The following SPTBN2 variants were observed in gnomAD, a reference collection of about 807,000 sequenced individuals.
The protein encoded by SPTBN2 is spectrin beta chain, non-erythrocytic 2.
In SPTBN2, 107 loss-of-function variants were observed where a neutral mutation model predicts 284.2. The ratio of observed to expected loss-of-function variants is 0.38; its 90% CI spans 0.32 to 0.44. The LOEUF (loss-of-function observed/expected upper bound fraction) is 0.44. Among genes scored for constraint, SPTBN2 ranks in the 20% least tolerant of loss-of-function variants. SPTBN2 has a pLI of 1.00. For synonymous variants in SPTBN2, 1,289 were observed against 1,354.8 expected, an observed-to-expected ratio of 0.95 and a Z score of 1.07; for missense variants, 2,569 against 3,287.1, an observed-to-expected ratio of 0.78 and a Z score of 5.34.
At chr11:66,731,132 T>C (rs1348372777), upstream of SPTBN2, among the ~76,000 whole-genome samples, 1 of 152,234 alleles carries the variant, frequency 6.6e-6, no homozygotes, top group Non-Finnish European at 1.5e-5. Context: ...GGTAAATGAA[T>C]TATATGCAGC....
At chr11:66,714,029 T>A (rs1590966755) in intron 7 of SPTBN2, 62 bp downstream of exon 7, 1 of 1,527,500 alleles carries the variant, frequency 6.5e-7, no homozygotes, top group East Asian at 2.2e-5. Flanking sequence ...TCTCCACATG[T>A]GCACCCCAGG....
Position 66,715,834 on chromosome 11 carries a change from A to G in SPTBN2, c.305T>C (p.Ile102Thr). 1 of 1,613,102 alleles carries G rather than the reference A, an allele frequency of 6.2e-7. No individual in the cohort carries two copies. Among genetic ancestry groups the G allele is most frequent in the South Asian group, 1.1e-5 (1 of 91,006 alleles). The stretch of plus-strand genomic sequence containing the variant: ...CCCTTCATGACCACAGCTCACCAGT[A>G]TCTCTCCCGAGAGCACCTCGAGGAG... ...LRLLEVLSGE[I>T]LPKPTKGRMR... is the part of the protein sequence containing the mutation. Residue 102 changes from isoleucine (I) to threonine (T), a missense_variant, in exon 4 of 38, where the codon ATA becomes ACA. Transcript: ENST00000533211. This position sits in a 1 kb window ranked among gnomAD's most constrained non-coding sequence, Gnocchi z 5.3.
Position 66,705,552 on chromosome 11 carries a change from C to G in SPTBN2, c.1808-84G>C, listed in dbSNP as rs1192476286. The G allele has an allele frequency of 1.4e-5, 22 of 1,605,860 alleles. No individual in the cohort carries two copies. In the East Asian group the frequency reaches 4.0e-4, roughly 29 times the overall value. On this transcript the variant is annotated intron_variant, in intron 14 of 37. Transcript: ENST00000533211. Reference sequence around the variant, plus strand: ...CACCACACTCTCTTGGACTTCCCTCCCTGGCTTTAGCTCAGTCACCATCGT... The same window carrying G: ...CACCACACTCTCTTGGACTTCCCTCGCTGGCTTTAGCTCAGTCACCATCGT...
In SPTBN2 at chr11:66,715,718, A is replaced by AG. The variant is rs1290896620; in HGVS notation, c.309+111dup. The AG allele has an allele frequency of 7.0e-7, 1 of 1,420,112 alleles. No individual in the cohort carries two copies. The highest frequency in any genetic ancestry group is 9.7e-7 in the Non-Finnish European group (1 of 1,033,694). 88.0% of individuals were successfully genotyped at this position (1,420,112 alleles called of 1,614,324 possible). A position where few individuals can be genotyped will look rare whatever the true frequency, so the allele number is the denominator to read the frequency against. ...ATGAACCCATCCTCTGAGCAGAGGG[A>AG]GCCACTGCTTCCCGCCCTGTGCCGT... On this transcript the variant is annotated intron_variant, in intron 4 of 37. Transcript: ENST00000533211. The surrounding 1 kb of genome is among the most constrained non-coding windows in gnomAD (Gnocchi z 5.3).
chr11:66,699,383 T>C, intron 18 of SPTBN2, 23 bp downstream of exon 18: 1 of 1,613,094 alleles, frequency 6.2e-7, no homozygotes, highest in South Asian at 1.1e-5. Flanking sequence ...GGAACCCTAA[T>C]TCATGGACTG....
chr11:66,699,601 A>G lies in SPTBN2; in HGVS notation c.3581T>C (p.Val1194Ala). The G allele has an allele frequency of 6.2e-7, 1 of 1,614,080 alleles. No individual in the cohort carries two copies. Among genetic ancestry groups the G allele is most frequent in the African/African-American group, 1.3e-5 (1 of 75,048 alleles). ...AEGVLSSQEY[V>A]LSHTEMPGTL... ...CCCTGGCATCTCCGTGTGAGACAGAACATATTCCTGTGTGGGAGGGATGAC... is the reference window on the plus strand; with the variant it reads ...CCCTGGCATCTCCGTGTGAGACAGAGCATATTCCTGTGTGGGAGGGATGAC... The change falls in exon 18 of 38, where the codon GTT becomes GCT. Residue 1194 changes from valine (V) to alanine (A), a missense_variant. Coordinates refer to ENST00000533211, the MANE Select transcript of SPTBN2 (RefSeq NM_006946.4).
rs534424012 is a variant in SPTBN2, at chr11:66,708,235, C to T, written c.1256G>A (p.Arg419His). Residue 419 changes from arginine (R) to histidine (H), a missense_variant, in exon 12 of 38, where the codon CGC becomes CAC. Transcript: ENST00000533211. The surrounding 1 kb of genome is among the most constrained non-coding windows in gnomAD (Gnocchi z 4.4). ...RELALRTELI[R>H]QEKLEQLAAR... ...GGCCAGCTGCTCCAGCTTCTCCTGG[C>T]GGATGAGCTCGGTGCGCAGGGCCAG... 4 of 1,610,574 alleles carry T rather than the reference C, an allele frequency of 2.5e-6. No homozygotes were observed. The highest frequency in any genetic ancestry group is 1.3e-5 in the African/African-American group (1 of 74,894).
At chr11:66,688,422 G>A in intron 31 of SPTBN2, 111 bp from the exon 32 acceptor site, 9 of 1,534,774 alleles carry the variant, frequency 5.9e-6, no homozygotes, top group East Asian at 2.4e-5. Flanking sequence ...GATAAGAGGA[G>A]AACAGAATTT....
chr11:66,741,252 A>T (rs1735666599), intron 1 of SPTBN2, among the ~76,000 whole-genome samples: 1 of 152,150 alleles, frequency 6.6e-6, no homozygotes, highest in Admixed American at 6.5e-5. Flanking sequence ...TGTTCTTCTG[A>T]TAGTGAATTA....
chr11:66,705,032 G>A lies in SPTBN2; in HGVS notation c.2244C>T (p.Ser748=), dbSNP rs1472495331. ...ERAQRLAQAA[S]LYQFQADAND... ...TTGCATCGGCCTGGAACTGGTAGAGGCTGGCGGCTTGGGCCAGCCGCTGGG... is the reference window on the plus strand; with the variant it reads ...TTGCATCGGCCTGGAACTGGTAGAGACTGGCGGCTTGGGCCAGCCGCTGGG... The change falls in exon 15 of 38, where the codon AGC becomes AGT. Residue 748 remains serine, a synonymous_variant. Transcript: ENST00000533211. The A allele has an allele frequency of 1.7e-5, 28 of 1,601,242 alleles. No individual in the cohort carries two copies. Among genetic ancestry groups the A allele is most frequent in the Non-Finnish European group, 2.4e-5 (28 of 1,179,520 alleles).
Position 66,714,077 on chromosome 11 carries a change from C to G in SPTBN2, c.656+14G>C. 3 of 1,614,122 alleles carry G rather than the reference C, an allele frequency of 1.9e-6. No homozygotes were observed. Among genetic ancestry groups the G allele is most frequent in the Non-Finnish European group, 2.5e-6 (3 of 1,179,958 alleles). ...CCAGCAGCTCTGCTGCGTTTGCTAA[C>G]CCCATCTTCTCACCGGTGTTTATGC... On this transcript the variant is annotated intron_variant, in intron 7 of 37. Coordinates refer to ENST00000533211, the MANE Select transcript of SPTBN2 (RefSeq NM_006946.4).
At chr11:66,706,339 ATTTAT>A (rs1164505486) in intron 13 of SPTBN2, among the ~76,000 whole-genome samples, 1 of 152,136 alleles carries the variant, frequency 6.6e-6, no homozygotes, top group Non-Finnish European at 1.5e-5. Context: ...TTATTTATTT[ATTTAT>A]TTTGAGATGG....
At chr11:66,703,587 A>C (rs1001083301) in intron 15 of SPTBN2, among the ~76,000 whole-genome samples, 2 of 151,882 alleles carry the variant, frequency 1.3e-5, no homozygotes, top group African/African-American at 4.8e-5. Flanking sequence ...AATACAAAAA[A>C]TTAGCTGGGC....
At chr11:66,721,889 T>C (rs1284724807) in intron 1 of SPTBN2, among the ~76,000 whole-genome samples, 1 of 151,422 alleles carries the variant, frequency 6.6e-6, no homozygotes, top group East Asian at 1.9e-4. Context: ...CTACTAAAAA[T>C]ACAAAAAATT....
chr11:66,728,353 GGCGGCGGCGCGCGGGCGCGA>G (rs910884247), intron 1 of SPTBN2: 6 of 145,760 alleles, frequency 4.1e-5, no homozygotes, highest in Admixed American at 2.0e-4. Context: ...CGGGGCGCGT[GGCGGCGGCGCGCGGGCGCGA>G]GCGGCGGGAC....
At position 66,705,004 on chromosome 11, in the gene SPTBN2, C is replaced by T. The variant is rs894025675; in HGVS notation, c.2272G>A (p.Asp758Asn). 1.9e-6 allele frequency: 3 copies of T among 1,604,550 alleles called. No individual in the cohort carries two copies. The highest frequency in any genetic ancestry group is 3.3e-5 in the Admixed American group (2 of 60,008). Residue 758 changes from aspartate (D) to asparagine (N), a missense_variant, in exon 15 of 38, where the codon GAC becomes AAC. Coordinates refer to ENST00000533211, the MANE Select transcript of SPTBN2 (RefSeq NM_006946.4). ...SLYQFQADANDMEAWLVDALR... is the reference protein window; with the variant it reads ...SLYQFQADANNMEAWLVDALR... Reference sequence around the variant, plus strand: ...GCGTCAACCAACCAGGCCTCCATGTCGTTTGCATCGGCCTGGAACTGGTAG... The same window carrying T: ...GCGTCAACCAACCAGGCCTCCATGTTGTTTGCATCGGCCTGGAACTGGTAG...
rs1590898408 is a variant in SPTBN2, at chr11:66,684,525, C to T, written c.*1346G>A. Among the ~76,000 whole-genome samples, 1 of 151,558 alleles carries T rather than the reference C, an allele frequency of 6.6e-6. No individual in the cohort carries two copies. The highest frequency in any genetic ancestry group is 2.1e-4 in the South Asian group (1 of 4,814). ...TGGCATGTGCCTGTGGTTCAGGCTA[C>T]TCGGGAGGCTGAGGTGGGAGGATTG... On this transcript the variant is annotated 3_prime_UTR_variant, in exon 38 of 38. Coordinates refer to ENST00000533211, the MANE Select transcript of SPTBN2 (RefSeq NM_006946.4).
In SPTBN2 at chr11:66,707,828, G is replaced by C; in HGVS notation, c.1351-10C>G. The C allele has an allele frequency of 6.2e-7, 1 of 1,607,326 alleles. No homozygotes were observed. Among genetic ancestry groups the C allele is most frequent in the Non-Finnish European group, 8.5e-7 (1 of 1,179,838 alleles). On this transcript the variant is annotated splice_polypyrimidine_tract_variant and intron_variant, in intron 12 of 37. Coordinates refer to ENST00000533211, the MANE Select transcript of SPTBN2 (RefSeq NM_006946.4). The surrounding 1 kb of genome is among the most constrained non-coding windows in gnomAD (Gnocchi z 4.9). ...CCAGCCCAAAGTTGTCCTGTGTCGGGGGCAGGGAGAGGAGGTGTGGGGACC... is the reference window on the plus strand; with the variant it reads ...CCAGCCCAAAGTTGTCCTGTGTCGGCGGCAGGGAGAGGAGGTGTGGGGACC...
chr11:66,691,292 T>C lies in SPTBN2; in HGVS notation c.5557A>G (p.Ser1853Gly), dbSNP rs772852322. ...TCATGCTTGGGTCAGACCTGGGGGC[T>C]GAGGGCCTGAATGTCATGCTCGTAG... ...CAYEHDIQAL[S>G]PQVQQVQDDG... Residue 1853 changes from serine to glycine, a missense_variant, in exon 27 of 38, where the codon AGC becomes GGC. This residue lies in a region of SPTBN2 where 1,130 missense variants were observed against 1,317.3 expected (regional missense o/e 0.86). Coordinates refer to ENST00000533211, the MANE Select transcript of SPTBN2 (RefSeq NM_006946.4). This position sits in a 1 kb window ranked among gnomAD's most constrained non-coding sequence, Gnocchi z 8.0. The C allele has an allele frequency of 3.4e-5, 52 of 1,531,514 alleles. No individual in the cohort carries two copies. In the South Asian group the frequency reaches 6.3e-4, roughly 18 times the overall value. The allele number at this position is 1,531,514 out of a possible 1,614,324, so 94.9% of individuals were successfully genotyped here.
Sources: allele counts gnomAD v4.1 joint callset (sites outside exome capture counted in the v4.1 genomes callset), GRCh38; gene constraint gnomAD v4.1.1; regional missense constraint gnomAD v4.1.1; non-coding constraint Gnocchi (gnomAD v3.1); transcripts MANE v1.5; gene names NCBI Gene and HGNC (gene_info 2026-07-23, HGNC 2026-07-21).